IQANK1: variants seen among roughly 807,000 people sequenced by gnomAD.
The protein encoded by IQANK1 is IQ motif and ankyrin repeat containing 1.
Under a neutral mutation model 22.6 loss-of-function variants are expected in IQANK1, and 30 were observed. That is an observed-to-expected ratio of 1.33 (90% CI 0.99 to 1.80). IQANK1 has a LOEUF of 1.80. IQANK1 is among the 40% of genes most tolerant of loss of function. The pLI, the probability that IQANK1 is intolerant of heterozygous loss-of-function variation, is 0.00. For synonymous variants in IQANK1, 122 were observed against 99.6 expected, an observed-to-expected ratio of 1.23 and a Z score of -1.34; for missense variants, 275 against 235.2, an observed-to-expected ratio of 1.17 and a Z score of -1.11.
chr8:143,764,551 G>A (rs10095057), intron 3 of IQANK1, among the ~76,000 whole-genome samples: 3,996 of 151,914 alleles, frequency 0.026, 177 homozygotes, highest in African/African-American at 0.09. Flanking sequence ...GCAGTGAGCC[G>A]TGATGGCGTC....
intron 7 of IQANK1, among the ~76,000 whole-genome samples, chr8:143,786,552 T>C (rs782328187): frequency 3.3e-5 from 5 of 152,228 alleles, no homozygotes; most frequent in Non-Finnish European, 7.3e-5. Flanking sequence ...ATCAGGTATA[T>C]GCTAATGTAC....
chr8:143,780,661 T>C (rs1423975401), intron 7 of IQANK1, among the ~76,000 whole-genome samples: 2 of 152,192 alleles, frequency 1.3e-5, no homozygotes, highest in African/African-American at 2.4e-5. Context: ...GATCTCATTC[T>C]TTTTTTATGG....
At chr8:143,785,971 T>C (rs1455235395) in intron 7 of IQANK1, among the ~76,000 whole-genome samples, 3 of 152,168 alleles carry the variant, frequency 2.0e-5, no homozygotes, top group African/African-American at 7.2e-5. Flanking sequence ...GTGATCTGCC[T>C]GCCTCAGCCT....
intron 1 of IQANK1, among the ~76,000 whole-genome samples, chr8:143,734,606 C>A (rs976437551): frequency 6.6e-6 from 1 of 151,806 alleles, no homozygotes; most frequent in Non-Finnish European, 1.5e-5. Context: ...CAGTCACCCA[C>A]GAACACGCTG....
chr8:143,787,863 T>C (rs1819923668), intron 7 of IQANK1, among the ~76,000 whole-genome samples: 1 of 152,018 alleles, frequency 6.6e-6, no homozygotes, highest in Non-Finnish European at 1.5e-5. Flanking sequence ...GCTTGCTCCA[T>C]GGCCCGTGCC....
chr8:143,742,288 G>T, intron 3 of IQANK1: 2 of 437,348 alleles, frequency 4.6e-6, no homozygotes, highest in South Asian at 3.2e-5. Flanking sequence ...CAGGAAGTGG[G>T]TGATGAGGTG....
At chr8:143,778,074 A>G (rs2129929293) in intron 7 of IQANK1, among the ~76,000 whole-genome samples, 1 of 152,294 alleles carries the variant, frequency 6.6e-6, no homozygotes, top group African/African-American at 2.4e-5. Context: ...GGGCGCCTGT[A>G]GTCCCAGCTA....
Position 143,773,346 on chromosome 8 carries a change from C to T in IQANK1, c.789+864C>T, listed in dbSNP as rs1238416051. 4.0e-5 allele frequency among the ~76,000 whole-genome samples: 6 copies of T among 149,718 alleles called. No individual in the cohort carries two copies. In the East Asian group the frequency reaches 9.7e-4, roughly 24 times the overall value. ...AAAAACACAAAAAAAACAGAGTCTG[C>T]CCTGGGCCAGGCTGGAGACACAATG... On this transcript the variant is annotated intron_variant, in intron 7 of 13. Coordinates refer to ENST00000527139, the MANE Select transcript of IQANK1 (RefSeq NM_001381874.1).
chr8:143,770,687 C>T (rs1819555242), intron 3 of IQANK1, among the ~76,000 whole-genome samples: 1 of 152,270 alleles, frequency 6.6e-6, no homozygotes, highest in Non-Finnish European at 1.5e-5. Context: ...TGGGTACCCG[C>T]GTGGCCCGAC....
intron 3 of IQANK1, among the ~76,000 whole-genome samples, chr8:143,740,232 T>C (rs1259086707): frequency 6.6e-6 from 1 of 151,796 alleles, no homozygotes; most frequent in Non-Finnish European, 1.5e-5. Context: ...GACCCTACCC[T>C]GCGCCACTCG....
intron 3 of IQANK1, chr8:143,760,512 CA>C (rs536130468): frequency 0.11 from 13,703 of 126,728 alleles, 2,189 homozygotes; most frequent in African/African-American, 0.38. Flanking sequence ...TTCATCTCTA[CA>C]AAAAAAAAAA....
rs1554630117 is a variant in IQANK1, at chr8:143,774,327, A to G, written c.789+1845A>G. ...CTGGCAAGGCACGTGTACCTAGAACATAGAAAAAACTCACATCGCAAACAA... is the reference window on the plus strand; with the variant it reads ...CTGGCAAGGCACGTGTACCTAGAACGTAGAAAAAACTCACATCGCAAACAA... On this transcript the variant is annotated intron_variant, in intron 7 of 13. Coordinates refer to ENST00000527139, the MANE Select transcript of IQANK1 (RefSeq NM_001381874.1). The surrounding 1 kb of genome is among the most constrained non-coding windows in gnomAD (Gnocchi z 4.2). Among the ~76,000 whole-genome samples the G allele has an allele frequency of 6.6e-6, 1 of 152,258 alleles. No homozygotes were observed. Among genetic ancestry groups the G allele is most frequent in the East Asian group, 1.9e-4 (1 of 5,202 alleles).
At position 143,788,940 on chromosome 8, in the gene IQANK1, G is replaced by T; in HGVS notation, c.815G>T (p.Ser272Ile). ...ERVASLDTVV[S>I]VLRSWDLSLT... ...GTGGCCTCACTGGACACAGTGGTGA[G>T]CGTGCTGCGCTCGTGGGACCTGAGC... Residue 272 changes from serine to isoleucine, a missense_variant, in exon 8 of 14, where the codon AGC becomes ATC. Ser to Ile is a moderately radical substitution (Grantham distance 142, BLOSUM62 -2). Transcript: ENST00000527139. 1 of 399,252 alleles carries T rather than the reference G, an allele frequency of 2.5e-6. No homozygotes were observed. The highest frequency in any genetic ancestry group is 4.4e-6 in the Non-Finnish European group (1 of 226,196). 24.7% of individuals were successfully genotyped at this position (399,252 alleles called of 1,614,324 possible).
At chr8:143,738,104 G>A (rs979190837) in intron 2 of IQANK1, among the ~76,000 whole-genome samples, 12 of 152,120 alleles carry the variant, frequency 7.9e-5, no homozygotes, top group Non-Finnish European at 1.6e-4. Context: ...GGCCACCCCC[G>A]CTTCACCCTG....
Position 143,772,050 on chromosome 8 carries a change from A to T in IQANK1, c.472-2A>T, listed in dbSNP as rs1420639423. ...GAGCGGTGACCGCGGCGAGCTGCGCAGGTGGAGCAGCTGCTGACGCGCGAG... is the reference window on the plus strand; with the variant it reads ...GAGCGGTGACCGCGGCGAGCTGCGCTGGTGGAGCAGCTGCTGACGCGCGAG... On this transcript the variant is annotated splice_acceptor_variant, in intron 5 of 13. Coordinates refer to ENST00000527139, the MANE Select transcript of IQANK1 (RefSeq NM_001381874.1). LOFTEE classifies it high-confidence loss of function. The T allele has an allele frequency of 2.5e-6, 1 of 395,716 alleles. No homozygotes were observed. Among genetic ancestry groups the T allele is most frequent in the African/African-American group, 2.1e-5 (1 of 48,300 alleles). The allele number at this position is 395,716 out of a possible 1,614,324, so 24.5% of individuals were successfully genotyped here.
chr8:143,767,744 G>A (rs981477906), intron 3 of IQANK1, among the ~76,000 whole-genome samples: 9 of 151,810 alleles, frequency 5.9e-5, no homozygotes, highest in Non-Finnish European at 1.3e-4. Context: ...ATGAATCTGA[G>A]TGTGGTGGTG....
chr8:143,740,081 T>G, intron 3 of IQANK1, 133 bp downstream of exon 3: 1 of 529,054 alleles, frequency 1.9e-6, no homozygotes, highest in Non-Finnish European at 3.3e-6. Context: ...TGCGCGCACG[T>G]GTGGGAGTGC....
In IQANK1 at chr8:143,789,800, C is replaced by T; in HGVS notation, c.1126C>T (p.Gln376Ter). ...DTEAQVDRLR[Q>*]EAQKAEEALA... is the part of the protein sequence containing the mutation. ...AGAGGCCCAGGTGGACAGGCTGCGGCAGGAGGCCCAGAAGGCCGAGGAGGC... is the reference window on the plus strand; with the variant it reads ...AGAGGCCCAGGTGGACAGGCTGCGGTAGGAGGCCCAGAAGGCCGAGGAGGC... The change falls in exon 11 of 14, where the codon CAG becomes TAG. Residue 376 changes from glutamine (Q) to a stop codon, truncating the protein, a stop_gained. Coordinates refer to ENST00000527139, the MANE Select transcript of IQANK1 (RefSeq NM_001381874.1). LOFTEE classifies it high-confidence loss of function. The T allele has an allele frequency of 4.9e-6, 6 of 1,232,146 alleles. No individual in the cohort carries two copies. The highest frequency in any genetic ancestry group is 6.1e-6 in the Non-Finnish European group (6 of 988,094). The allele number at this position is 1,232,146 out of a possible 1,614,324, so 76.3% of individuals were successfully genotyped here. A position where few individuals can be genotyped will look rare whatever the true frequency, so the allele number is the denominator to read the frequency against.
intron 7 of IQANK1, among the ~76,000 whole-genome samples, chr8:143,778,729 C>T (rs782777673): frequency 2.5e-4 from 38 of 152,174 alleles, no homozygotes; most frequent in Non-Finnish European, 3.5e-4. Context: ...TATTGGTTTG[C>T]GCTTTCGCCA....
Sources: gnomAD v4.1 joint callset for allele counts (sites outside exome capture counted in the v4.1 genomes callset) on GRCh38, gnomAD v4.1.1 for gene constraint, Gnocchi (gnomAD v3.1) non-coding constraint, MANE v1.5 for transcripts, NCBI Gene and HGNC (gene_info 2026-07-23, HGNC 2026-07-21) for gene names.